SEMA3E: variants seen among roughly 807,000 people sequenced by gnomAD.
SEMA3E encodes the protein semaphorin 3E.
Under a neutral mutation model 93.6 loss-of-function variants are expected in SEMA3E, and 49 were observed. That is an observed-to-expected ratio of 0.52 (90% CI 0.42 to 0.66). The LOEUF is 0.66. SEMA3E is among the 30% of genes least tolerant of loss of function. The probability of loss-of-function intolerance (pLI) is 0.00; values close to 1 mark genes in which losing one functional copy is unlikely to be tolerated. For missense variants in SEMA3E, 906 were observed against 964.8 expected, an observed-to-expected ratio of 0.94 and a Z score of 0.81; for synonymous variants, 363 against 330.7, an observed-to-expected ratio of 1.10 and a Z score of -1.06.
intron 4 of SEMA3E, among the ~76,000 whole-genome samples, chr7:83,459,256 A>G (rs1789559899): frequency 6.6e-6 from 1 of 152,140 alleles, no homozygotes; most frequent in Non-Finnish European, 1.5e-5. Context: ...CATTAGAAAG[A>G]GATTAGAAGA....
chr7:83,549,263 A>G (rs1277844224), intron 1 of SEMA3E, among the ~76,000 whole-genome samples: 2 of 152,114 alleles, frequency 1.3e-5, no homozygotes, highest in Non-Finnish European at 2.9e-5. Context: ...CGTCTCAACA[A>G]ACTAGCACTA....
At chr7:83,643,406 A>G (rs1189597834) in intron 1 of SEMA3E, among the ~76,000 whole-genome samples, 2 of 151,924 alleles carry the variant, frequency 1.3e-5, no homozygotes, top group Admixed American at 1.3e-4. Flanking sequence ...TAAATTTTCC[A>G]CTCCAAAATT....
chr7:83,373,956 C>A (rs541822118), intron 16 of SEMA3E, among the ~76,000 whole-genome samples: 1 of 152,182 alleles, frequency 6.6e-6, no homozygotes, highest in East Asian at 1.9e-4. Context: ...CCTGTAATCC[C>A]AGCACTTTGG....
At chr7:83,522,026 T>C (rs1333659102) in intron 1 of SEMA3E, among the ~76,000 whole-genome samples, 1 of 152,168 alleles carries the variant, frequency 6.6e-6, no homozygotes, top group Non-Finnish European at 1.5e-5. Flanking sequence ...AGATTAGCTC[T>C]ATATCTATTA....
At position 83,389,852 on chromosome 7, in the gene SEMA3E, T is replaced by C. The variant is rs1328265092; in HGVS notation, c.1667+2703A>G. On this transcript the variant is annotated intron_variant, in intron 14 of 16. Coordinates refer to ENST00000643230, the MANE Select transcript of SEMA3E (RefSeq NM_012431.3). ...CACGTATATATTACATGTATACATA[T>C]ATACACGTATATATTACATGTATAC... Among the ~76,000 whole-genome samples the C allele has an allele frequency of 3.9e-4, 20 of 51,606 alleles. 1 individual carries two copies. The highest frequency in any genetic ancestry group is 1.0e-3 in the Admixed American group (4 of 4,000). The allele number at this position is 51,606 out of a possible 152,430, so 33.9% of individuals were successfully genotyped here. A position where few individuals can be genotyped will look rare whatever the true frequency, so the allele number is the denominator to read the frequency against.
Position 83,516,774 on chromosome 7 carries a change from TC to T in SEMA3E, c.116-26501del, listed in dbSNP as rs200350762. ...TAGCAGAAAATTAATATTTTCTTCT[TC>T]CCCTGCTACGTTATGTTTTTAACTA... is the stretch of plus-strand genomic sequence containing the variant. On this transcript the variant is annotated intron_variant, in intron 1 of 16. Transcript: ENST00000643230. 3.9e-3 allele frequency among the ~76,000 whole-genome samples: 593 copies of T among 152,136 alleles called. 2 individuals are homozygous for T. Among genetic ancestry groups the T allele is most frequent in the African/African-American group, 0.014 (566 of 41,532 alleles).
chr7:83,383,029 C>G (rs1217493548), intron 16 of SEMA3E, among the ~76,000 whole-genome samples: 1 of 151,710 alleles, frequency 6.6e-6, no homozygotes, highest in Non-Finnish European at 1.5e-5. Context: ...ATTACAGAAT[C>G]AAAAATTTCA....
intron 1 of SEMA3E, among the ~76,000 whole-genome samples, chr7:83,563,644 C>G (rs1792081730): frequency 6.6e-6 from 1 of 152,170 alleles, no homozygotes; most frequent in Non-Finnish European, 1.5e-5. Flanking sequence ...TGCTCTTATG[C>G]CTTCAATCCA....
intron 14 of SEMA3E, among the ~76,000 whole-genome samples, chr7:83,389,627 TAC>T (rs1041616259): frequency 1.6e-3 from 239 of 151,450 alleles, no homozygotes; most frequent in African/African-American, 4.9e-3. Flanking sequence ...CATGTATACA[TAC>T]ACACACATAC....
chr7:83,368,825 T>C (rs1294587306), intron 16 of SEMA3E, among the ~76,000 whole-genome samples: 1 of 152,184 alleles, frequency 6.6e-6, no homozygotes, highest in Admixed American at 6.5e-5. Context: ...GAATAGCTCA[T>C]GTTTTATCAC....
chr7:83,571,755 G>A (rs215282), intron 1 of SEMA3E, among the ~76,000 whole-genome samples: 65,063 of 151,928 alleles, frequency 0.43, 15,027 homozygotes, highest in African/African-American at 0.61. Context: ...AATAAAAGGC[G>A]TCCAAAGAGG....
intron 11 of SEMA3E, among the ~76,000 whole-genome samples, chr7:83,398,936 C>A (rs2115611101): frequency 6.6e-6 from 1 of 151,770 alleles, no homozygotes; most frequent in East Asian, 1.9e-4. Context: ...AGAGCAGGAC[C>A]CCAGCTCAGG....
intron 16 of SEMA3E, among the ~76,000 whole-genome samples, chr7:83,368,946 A>C (rs1794714866): frequency 6.6e-6 from 1 of 152,156 alleles, no homozygotes; most frequent in African/African-American, 2.4e-5. Flanking sequence ...TTCTTGCCTT[A>C]GTTTTCTTTG....
chr7:83,393,150 T>A (rs1267580133), intron 13 of SEMA3E, among the ~76,000 whole-genome samples: 1 of 151,946 alleles, frequency 6.6e-6, no homozygotes, highest in Admixed American at 6.6e-5. Flanking sequence ...AGTACCAAAA[T>A]TGCTACACTG....
intron 16 of SEMA3E, among the ~76,000 whole-genome samples, chr7:83,384,202 A>C (rs188461394): frequency 6.6e-6 from 1 of 152,194 alleles, no homozygotes; most frequent in African/African-American, 2.4e-5. Flanking sequence ...GTTAGGTTTT[A>C]AATTTCACGA....
At chr7:83,617,733 G>T (rs966386012) in intron 1 of SEMA3E, among the ~76,000 whole-genome samples, 1 of 150,134 alleles carries the variant, frequency 6.7e-6, no homozygotes, top group African/African-American at 2.4e-5. Flanking sequence ...CTTTTTCAAG[G>T]TCGACTCATG....
intron 4 of SEMA3E, among the ~76,000 whole-genome samples, chr7:83,432,057 T>C (rs1432771835): frequency 6.6e-6 from 1 of 151,826 alleles, no homozygotes; most frequent in Admixed American, 6.6e-5. Flanking sequence ...AAAGTCTCAG[T>C]GCAGTGCAGC....
intron 4 of SEMA3E, among the ~76,000 whole-genome samples, chr7:83,452,000 G>GTAGCCTCAGGAT (rs1158309321): frequency 3.9e-5 from 6 of 152,170 alleles, no homozygotes; most frequent in Non-Finnish European, 8.8e-5. Flanking sequence ...CTGGTTTGCT[G>GTAGCCTCAGGAT]TAGCCTCAGG....
intron 1 of SEMA3E, among the ~76,000 whole-genome samples, chr7:83,584,681 T>TAGCA (rs1792584805): frequency 6.6e-6 from 1 of 152,140 alleles, no homozygotes; most frequent in Admixed American, 6.6e-5. Flanking sequence ...TAGCTACAGG[T>TAGCA]AGCAGTTCCT....
Sources: gnomAD v4.1 joint callset for allele counts (sites outside exome capture counted in the v4.1 genomes callset) on GRCh38, gnomAD v4.1.1 for gene constraint, MANE v1.5 for transcripts, NCBI Gene and HGNC (gene_info 2026-07-23, HGNC 2026-07-21) for gene names.